The following MAP3K20 variants were observed in gnomAD, a reference collection of about 807,000 sequenced individuals.
The protein encoded by MAP3K20 is HCCS-4.
In MAP3K20, 40 loss-of-function variants were observed where a neutral mutation model predicts 85.7. The observed-to-expected ratio is 0.47, with a 90% confidence interval of 0.36 to 0.61. MAP3K20 has a LOEUF of 0.61. MAP3K20 is among the 20% of genes least tolerant of loss of function. The pLI is 0.00. For missense variants in MAP3K20, 817 were observed against 961.7 expected (o/e 0.85, Z 1.99); for synonymous variants, 325 against 327.7 (o/e 0.99, Z 0.09).
At chr2:173,261,006 A>C (rs1685278263) in intron 17 of MAP3K20, 57 bp from the exon 18 acceptor site, 2 of 1,530,572 alleles carry the variant, frequency 1.3e-6, no homozygotes, top group African/African-American at 2.7e-5. Flanking sequence ...AAAGAAACAT[A>C]CTATAGTAGA....
At chr2:173,135,067 A>G (rs1034003232) in intron 2 of MAP3K20, among the ~76,000 whole-genome samples, 1 of 152,218 alleles carries the variant, frequency 6.6e-6, no homozygotes, top group African/African-American at 2.4e-5. Flanking sequence ...TTGGCTACAA[A>G]ATATACTAGG....
intron 16 of MAP3K20, among the ~76,000 whole-genome samples, chr2:173,255,427 C>T (rs979746404): frequency 1.3e-5 from 2 of 152,174 alleles, no homozygotes; most frequent in African/African-American, 4.8e-5. Context: ...TCATGAAACC[C>T]TAGGAAAGTT....
At chr2:173,112,912 T>C (rs188847351) in intron 2 of MAP3K20, among the ~76,000 whole-genome samples, 220 of 152,222 alleles carry the variant, frequency 1.4e-3, no homozygotes, top group African/African-American at 5.1e-3. Flanking sequence ...GTTTTGGTAT[T>C]AGGGTGATGC....
At chr2:173,107,577 C>T (rs1247155737) in intron 2 of MAP3K20, among the ~76,000 whole-genome samples, 1 of 152,186 alleles carries the variant, frequency 6.6e-6, no homozygotes, top group Non-Finnish European at 1.5e-5. Flanking sequence ...ATAACATCTT[C>T]TGCCTTGCGC....
In MAP3K20 at chr2:173,091,095, T is replaced by C. The variant is rs1311416846; in HGVS notation, c.64T>C (p.Cys22Arg). ...KFDDLQFFEN[C>R]GGGSFGSVYR... is the part of the protein sequence containing the mutation. Reference sequence around the variant, plus strand: ...TGATGACTTGCAGTTTTTTGAAAACTGCGGTGGAGGAAGTTTTGGGAGTGT... The same window carrying C: ...TGATGACTTGCAGTTTTTTGAAAACCGCGGTGGAGGAAGTTTTGGGAGTGT... Residue 22 changes from cysteine to arginine, a missense_variant, in exon 2 of 20, where the codon TGC (cysteine) becomes CGC (arginine). Cys to Arg is a radical substitution (Grantham distance 180, BLOSUM62 -3). Coordinates refer to ENST00000375213, the MANE Select transcript of MAP3K20 (RefSeq NM_016653.3). 1 of 1,613,962 alleles carries C rather than the reference T, an allele frequency of 6.2e-7. No individual in the cohort carries two copies. Among genetic ancestry groups the C allele is most frequent in the Non-Finnish European group, 8.5e-7 (1 of 1,179,992 alleles).
chr2:173,084,236 T>C (rs1174432612), intron 1 of MAP3K20, among the ~76,000 whole-genome samples: 2 of 152,104 alleles, frequency 1.3e-5, no homozygotes, highest in Non-Finnish European at 2.9e-5. Flanking sequence ...TTTTAAAAAA[T>C]CATCACTTGC....
chr2:173,222,982 G>A (rs1411973463), intron 11 of MAP3K20: 1 of 985,208 alleles, frequency 1.0e-6, no homozygotes, highest in Non-Finnish European at 1.2e-6. Flanking sequence ...AAATATTTTT[G>A]GTGGGTCTTT....
intron 16 of MAP3K20, among the ~76,000 whole-genome samples, chr2:173,254,574 T>G (rs1011279848): frequency 1.3e-5 from 2 of 152,166 alleles, no homozygotes; most frequent in African/African-American, 2.4e-5. Context: ...TTATTTTTAG[T>G]GATATTATTG....
intron 11 of MAP3K20, chr2:173,222,606 G>A: frequency 6.1e-6 from 6 of 985,374 alleles, no homozygotes; most frequent in Non-Finnish European, 4.8e-6. Flanking sequence ...TTTTAGAGGG[G>A]CATAATAATC....
Position 173,231,799 on chromosome 2 carries a change from T to C in MAP3K20, c.1033-393T>C, listed in dbSNP as rs538989360. Among the ~76,000 whole-genome samples, 175 of 152,354 alleles carry C rather than the reference T, an allele frequency of 1.1e-3. 2 individuals carry two copies. The highest frequency in any genetic ancestry group is 4.1e-3 in the African/African-American group (170 of 41,590). ...GACCTGGCCTAGAACAAAAGATTCC[T>C]TCTGTCTGTTGCTCTGTCCACTGCT... On this transcript the variant is annotated intron_variant, in intron 12 of 19. Coordinates refer to ENST00000375213, the MANE Select transcript of MAP3K20 (RefSeq NM_016653.3).
chr2:173,097,364 TACAAAA>T (rs1020438160), intron 2 of MAP3K20, among the ~76,000 whole-genome samples: 3 of 152,148 alleles, frequency 2.0e-5, no homozygotes, highest in South Asian at 2.1e-4. Flanking sequence ...TCAAAATCAA[TACAAAA>T]ACAAAAACAA....
At chr2:173,191,647 G>A (rs1255303996) in intron 7 of MAP3K20, among the ~76,000 whole-genome samples, 1 of 152,196 alleles carries the variant, frequency 6.6e-6, no homozygotes, top group East Asian at 1.9e-4. Flanking sequence ...TGATTCATCG[G>A]TTTCTAAAAG....
chr2:173,225,011 CA>C lies in MAP3K20; in HGVS notation c.988-4674del, dbSNP rs1310867090. On this transcript the variant is annotated intron_variant, in intron 11 of 19. Transcript: ENST00000375213. ...AGAAACAGTGAGAAATGTAAACATT[CA>C]AAATGATAATTGAATCTCTCAGTTG... The C allele has an allele frequency of 3.0e-6, 3 of 983,822 alleles. No individual in the cohort carries two copies. In the African/African-American group the frequency reaches 5.2e-5, roughly 17 times the overall value. 60.9% of individuals were successfully genotyped at this position (983,822 alleles called of 1,614,324 possible). A position where few individuals can be genotyped will look rare whatever the true frequency, so the allele number is the denominator to read the frequency against.
intron 7 of MAP3K20, among the ~76,000 whole-genome samples, chr2:173,196,620 T>C (rs1690849643): frequency 6.6e-6 from 1 of 152,244 alleles, no homozygotes; most frequent in Admixed American, 6.5e-5. Context: ...TACTGTGTTA[T>C]GGTTGAAATG....
chr2:173,153,459 A>G (rs569450717), intron 2 of MAP3K20, among the ~76,000 whole-genome samples: 5 of 152,260 alleles, frequency 3.3e-5, no homozygotes, highest in South Asian at 2.1e-4. Context: ...CAAATTTCCA[A>G]CAATGCATCA....
chr2:173,134,428 A>ATATT (rs56330241), intron 2 of MAP3K20, among the ~76,000 whole-genome samples: 1 of 3,156 alleles, frequency 3.2e-4, no homozygotes, highest in Non-Finnish European at 6.4e-4. Flanking sequence ...ATATATATAT[A>ATATT]TTTTTTTTTT....
intron 3 of MAP3K20, among the ~76,000 whole-genome samples, chr2:173,177,955 CA>C (rs1690212855): frequency 6.6e-6 from 1 of 151,698 alleles, no homozygotes; most frequent in Admixed American, 6.6e-5. Flanking sequence ...CAAAGTGAGT[CA>C]ATGAAAGGAA....
intron 2 of MAP3K20, among the ~76,000 whole-genome samples, chr2:173,128,056 C>A (rs1688494399): frequency 6.6e-6 from 1 of 152,164 alleles, no homozygotes; most frequent in African/African-American, 2.4e-5. Flanking sequence ...TTTCTCATAT[C>A]TCATACCAGT....
At position 173,168,428 on chromosome 2, in the gene MAP3K20, G is replaced by A. The variant is rs530456772; in HGVS notation, c.160-1377G>A. ...CTCAATTTCATATTGACCCTATGCC[G>A]ACCCTCAAACTTGTTTTCCACCTAG... On this transcript the variant is annotated intron_variant, in intron 2 of 19. Transcript: ENST00000375213. Among the ~76,000 whole-genome samples the A allele has an allele frequency of 6.5e-4, 99 of 152,092 alleles. 1 individual carries two copies. The highest frequency in any genetic ancestry group is 3.4e-3 in the Middle Eastern group (1 of 294).
Sources: gnomAD v4.1 joint callset for allele counts (sites outside exome capture counted in the v4.1 genomes callset) on GRCh38, gnomAD v4.1.1 for gene constraint, MANE v1.5 for transcripts, NCBI Gene and HGNC (gene_info 2026-07-23, HGNC 2026-07-21) for gene names.